The following USP2 variants were observed in gnomAD, a reference collection of about 807,000 sequenced individuals.
USP2 encodes the protein ubiquitin carboxyl-terminal hydrolase 2.
A neutral mutation model predicts 72.0 loss-of-function variants in USP2; 33 were observed. That is an observed-to-expected ratio of 0.46 (90% CI 0.35 to 0.61). The LOEUF is 0.61. Among genes scored for constraint, USP2 ranks in the 20% least tolerant of loss-of-function variants. The pLI is 0.01. For synonymous variants in USP2, 296 were observed against 312.5 expected (o/e 0.95, Z 0.56); for missense variants, 691 against 797.8 (o/e 0.87, Z 1.61).
intron 2 of USP2, among the ~76,000 whole-genome samples, chr11:119,372,355 G>A (rs1176157732): frequency 2.0e-5 from 3 of 152,204 alleles, no homozygotes; most frequent in Non-Finnish European, 2.9e-5. Flanking sequence ...GGGCCCCCCC[G>A]CATCCAGCCC....
intron 2 of USP2, among the ~76,000 whole-genome samples, chr11:119,368,867 C>T (rs767428813): frequency 2.4e-4 from 36 of 152,268 alleles, no homozygotes; most frequent in Non-Finnish European, 4.4e-4. Context: ...CAGAGGCCAG[C>T]GGGCAGAATG....
intron 1 of USP2, among the ~76,000 whole-genome samples, chr11:119,377,920 C>G (rs1279776921): frequency 2.6e-5 from 4 of 152,138 alleles, no homozygotes; most frequent in Non-Finnish European, 5.9e-5. Context: ...CTGCCCAGAT[C>G]TGCTTGGCTT....
chr11:119,380,161 C>T (rs1019059863), intron 1 of USP2, among the ~76,000 whole-genome samples: 1 of 151,842 alleles, frequency 6.6e-6, no homozygotes, highest in Non-Finnish European at 1.5e-5. Context: ...GTGATCCGCC[C>T]GCCTTGGCCT....
Position 119,381,674 on chromosome 11 carries a change from G to T in USP2, c.-243C>A. 5 of 949,226 alleles carry T rather than the reference G, an allele frequency of 5.3e-6. 1 individual carries two copies. In the South Asian group the frequency reaches 7.2e-5, roughly 14 times the overall value. The allele number at this position is 949,226 out of a possible 1,614,324, so 58.8% of individuals were successfully genotyped here. A position where few individuals can be genotyped will look rare whatever the true frequency, so the allele number is the denominator to read the frequency against. Reference sequence around the variant, plus strand: ...GGAAATCGGCGCCACCCAGCGGGCAGCCGCCTCATCGCGCCTGGGCCGGCA... The same window carrying T: ...GGAAATCGGCGCCACCCAGCGGGCATCCGCCTCATCGCGCCTGGGCCGGCA... On this transcript the variant is annotated 5_prime_UTR_variant, in exon 1 of 13. In the 5' UTR this introduces an upstream ATG that the reference lacks. Transcript: ENST00000260187.
At position 119,373,540 on chromosome 11, in the gene USP2, A is replaced by C; in HGVS notation, c.-41-19T>G. 1 of 1,499,508 alleles carries C rather than the reference A, an allele frequency of 6.7e-7. No individual in the cohort carries two copies. Among genetic ancestry groups the C allele is most frequent in the Non-Finnish European group, 8.8e-7 (1 of 1,132,030 alleles). The allele number at this position is 1,499,508 out of a possible 1,614,324, so 92.9% of individuals were successfully genotyped here. ...TCATGGGCTGAAAGACAAGGAGTGTAGTTGTCAGAGGGCCCTGCCAGGTGT... is the reference window on the plus strand; with the variant it reads ...TCATGGGCTGAAAGACAAGGAGTGTCGTTGTCAGAGGGCCCTGCCAGGTGT... On this transcript the variant is annotated intron_variant, in intron 1 of 12. Transcript: ENST00000260187.
rs1290283284 is a variant in USP2, at chr11:119,381,625, G to T, written c.-194C>A. On this transcript the variant is annotated 5_prime_UTR_variant, in exon 1 of 13. Transcript: ENST00000260187. ...TGCCTGACTCTCTCCCACCTCCGCCGGGGGCCCAGAAGGGACCTCCCCGGG... is the reference window on the plus strand; with the variant it reads ...TGCCTGACTCTCTCCCACCTCCGCCTGGGGCCCAGAAGGGACCTCCCCGGG... 2.1e-6 allele frequency: 3 copies of T among 1,424,434 alleles called. No individual in the cohort carries two copies. The East Asian group carries it at 7.5e-5, about 35-fold the overall frequency. The allele number at this position is 1,424,434 out of a possible 1,614,324, so 88.2% of individuals were successfully genotyped here. A position where few individuals can be genotyped will look rare whatever the true frequency, so the allele number is the denominator to read the frequency against.
rs1033870673 is a variant in USP2 at position 119,359,256 on chromosome 11, A to G, written c.1036T>C (p.Tyr346His). The change falls in exon 5 of 13, where the codon TAC becomes CAC. Residue 346 changes from tyrosine to histidine, a missense_variant. Tyr to His is a moderately conservative substitution (Grantham distance 83, BLOSUM62 2). Transcript: ENST00000260187. ...TTATAGCCAACAAAGCGCGGTGCGT[A>G]TCTCTGGATCTGGGTCTTGAACTCA... ...PSEFKTQIQRYAPRFVGYNQQ... is the reference protein window; with the variant it reads ...PSEFKTQIQRHAPRFVGYNQQ... The G allele has an allele frequency of 3.1e-6, 5 of 1,613,894 alleles. No homozygotes were observed. The African/African-American group carries it at 5.3e-5, about 17-fold the overall frequency.
intron 2 of USP2, among the ~76,000 whole-genome samples, chr11:119,363,074 C>T (rs775546190): frequency 1.8e-4 from 27 of 152,246 alleles, no homozygotes; most frequent in Admixed American, 6.5e-5. Context: ...TCCCGCCTAC[C>T]TCACCTGTGT....
At chr11:119,357,147 T>C (rs754517631) in intron 12 of USP2, 40 bp downstream of exon 12, 3 of 1,592,392 alleles carry the variant, frequency 1.9e-6, no homozygotes, top group Non-Finnish European at 1.7e-6. Flanking sequence ...GGAGAGTGGG[T>C]GGCTACAGCC....
chr11:119,355,704 A>T lies in USP2; in HGVS notation c.*1131T>A, dbSNP rs1950639117. 1.3e-5 allele frequency: 2 copies of T among 152,338 alleles called. No homozygotes were observed. Among genetic ancestry groups the T allele is most frequent in the Non-Finnish European group, 2.9e-5 (2 of 68,214 alleles). 9.4% of individuals were successfully genotyped at this position (152,338 alleles called of 1,614,324 possible). On this transcript the variant is annotated 3_prime_UTR_variant, in exon 13 of 13. Transcript: ENST00000260187. ...GGGCGGGGGCAGGAAGGCCAGGGGGAAAGGGATGTTAAGAGAATAAATAAA... is the reference window on the plus strand; with the variant it reads ...GGGCGGGGGCAGGAAGGCCAGGGGGTAAGGGATGTTAAGAGAATAAATAAA...
At chr11:119,368,823 A>T (rs1950888862) in intron 2 of USP2, among the ~76,000 whole-genome samples, 1 of 151,966 alleles carries the variant, frequency 6.6e-6, no homozygotes, top group African/African-American at 2.4e-5. Flanking sequence ...GGGAGAGGAG[A>T]GGGTGGCCTG....
intron 1 of USP2, among the ~76,000 whole-genome samples, chr11:119,379,917 C>CTTT (rs397816714): frequency 0.85 from 98,506 of 116,338 alleles, 41,936 homozygotes; most frequent in East Asian, 0.88. Flanking sequence ...GTTCCTTTCT[C>CTTT]TTTTTTTTTT....
intron 2 of USP2, among the ~76,000 whole-genome samples, chr11:119,363,363 C>CCT (rs1950794256): frequency 6.6e-6 from 1 of 152,186 alleles, no homozygotes; most frequent in African/African-American, 2.4e-5. Flanking sequence ...CCTCGTCTGC[C>CCT]CTTCACAGGG....
At chr11:119,357,706 A>G (rs1309235304) in intron 10 of USP2, 51 bp downstream of exon 10, 2 of 1,613,484 alleles carry the variant, frequency 1.2e-6, no homozygotes, top group African/African-American at 1.3e-5. Flanking sequence ...GCCCCTTGTC[A>G]TCAGTCACCC....
chr11:119,368,372 G>T (rs1056585837), intron 2 of USP2, among the ~76,000 whole-genome samples: 6 of 152,242 alleles, frequency 3.9e-5, no homozygotes, highest in Admixed American at 3.9e-4. Flanking sequence ...CGTGAACGGA[G>T]CGAGAACATG....
Position 119,359,528 on chromosome 11 carries a change from G to C in USP2, c.949+9C>G. On this transcript the variant is annotated intron_variant, in intron 4 of 12. Transcript: ENST00000260187. ...GGTAGGCAGGGGCACATGACAGAGG[G>C]CCTCTCACCTTCCACGAGGGCTGTG... The C allele has an allele frequency of 6.2e-7, 1 of 1,613,600 alleles. No individual in the cohort carries two copies.
Position 119,357,108 on chromosome 11 carries a change from G to A in USP2, c.1730+79C>T, listed in dbSNP as rs1950673257. On this transcript the variant is annotated intron_variant, in intron 12 of 12. Transcript: ENST00000260187. ...GCCGTGCGGGGGGTGGGAGGGGGGT[G>A]GGTTTGGGGGGAGGGTGGAGGAGTG... The A allele has an allele frequency of 8.6e-6, 12 of 1,393,834 alleles. No individual in the cohort carries two copies. The South Asian group carries it at 1.3e-4, about 16-fold the overall frequency. 86.3% of individuals were successfully genotyped at this position (1,393,834 alleles called of 1,614,324 possible).
Position 119,357,316 on chromosome 11 carries a change from G to A in USP2, c.1610-9C>T, listed in dbSNP as rs564756231. On this transcript the variant is annotated splice_polypyrimidine_tract_variant and intron_variant, in intron 11 of 12. Coordinates refer to ENST00000260187, the MANE Select transcript of USP2 (RefSeq NM_004205.5). ...GTTGTAAACAGCATGGTCTGAGGAGGAGGCAGCCGTCAAGCCCCCGAGGCC... is the reference window on the plus strand; with the variant it reads ...GTTGTAAACAGCATGGTCTGAGGAGAAGGCAGCCGTCAAGCCCCCGAGGCC... 2.2e-5 allele frequency: 35 copies of A among 1,613,024 alleles called. No homozygotes were observed. In the South Asian group the frequency reaches 2.7e-4, roughly 13 times the overall value.
rs538573591 is a variant in USP2 at position 119,372,203 on chromosome 11, C to T, written c.774+504G>A. On this transcript the variant is annotated intron_variant, in intron 2 of 12. Coordinates refer to ENST00000260187, the MANE Select transcript of USP2 (RefSeq NM_004205.5). ...CCTGGTCCTGAGTATGCCAGTGTCA[C>T]TCAGAGGAGAGTCCCTCTTCCCCTG... Among the ~76,000 whole-genome samples the T allele has an allele frequency of 8.0e-4, 122 of 152,344 alleles. 1 individual carries two copies. The highest frequency in any genetic ancestry group is 2.7e-3 in the African/African-American group (113 of 41,582).
Sources: allele counts gnomAD v4.1 joint callset (sites outside exome capture counted in the v4.1 genomes callset), GRCh38; gene constraint gnomAD v4.1.1; transcripts MANE v1.5; gene names NCBI Gene and HGNC (gene_info 2026-07-23, HGNC 2026-07-21).